Variants in IQCJ observed in about 807,000 individuals in gnomAD.
The protein encoded by IQCJ is IQ domain-containing protein J.
Under a neutral mutation model 11.0 loss-of-function variants are expected in IQCJ, and 9 were observed. The ratio of observed to expected loss-of-function variants is 0.82; its 90% CI spans 0.49 to 1.43. The LOEUF (loss-of-function observed/expected upper bound fraction) is 1.43, where lower values mean the gene tolerates loss of function less well. IQCJ is among the 40% of genes most tolerant of loss of function. The pLI is 0.00. For missense variants in IQCJ, 146 were observed against 133.2 expected, an observed-to-expected ratio of 1.10 and a Z score of -0.47; for synonymous variants, 55 against 51.3, an observed-to-expected ratio of 1.07 and a Z score of -0.31.
intron 1 of IQCJ, among the ~76,000 whole-genome samples, chr3:159,191,328 G>A (rs1013037513): frequency 2.0e-5 from 3 of 152,120 alleles, no homozygotes; most frequent in Non-Finnish European, 4.4e-5. Flanking sequence ...AGGAGGCTGG[G>A]GTTGGATCAT....
intron 1 of IQCJ, among the ~76,000 whole-genome samples, chr3:159,160,149 C>G (rs1721753634): frequency 6.6e-6 from 1 of 152,138 alleles, no homozygotes; most frequent in African/African-American, 2.4e-5. Flanking sequence ...TTCTTCTGGA[C>G]TGAGGTTCGG....
chr3:159,247,164 T>G (rs1727322732), intron 2 of IQCJ, among the ~76,000 whole-genome samples: 1 of 152,198 alleles, frequency 6.6e-6, no homozygotes, highest in South Asian at 2.1e-4. Flanking sequence ...TGGCACTATC[T>G]CAGCTCACTG....
intron 1 of IQCJ, among the ~76,000 whole-genome samples, chr3:159,231,391 A>T (rs1726238199): frequency 6.6e-6 from 1 of 152,148 alleles, no homozygotes; most frequent in Non-Finnish European, 1.5e-5. Context: ...CCCCACATCT[A>T]ATCTGTGATC....
chr3:159,077,785 C>T (rs917019879), intron 1 of IQCJ, among the ~76,000 whole-genome samples: 2 of 152,008 alleles, frequency 1.3e-5, no homozygotes, highest in Non-Finnish European at 2.9e-5. Context: ...AAAACATGGG[C>T]ATATATTGCT....
intron 1 of IQCJ, among the ~76,000 whole-genome samples, chr3:159,111,307 T>C (rs184521873): frequency 6.6e-6 from 1 of 152,188 alleles, no homozygotes; most frequent in Admixed American, 6.5e-5. Flanking sequence ...CAGTAAAAAC[T>C]CTTTTGTCTT....
intron 1 of IQCJ, among the ~76,000 whole-genome samples, chr3:159,245,004 A>G (rs1027291343): frequency 6.6e-6 from 1 of 152,194 alleles, no homozygotes; most frequent in Non-Finnish European, 1.5e-5. Context: ...ATGATTGATA[A>G]GACTGAAGAA....
At chr3:159,163,687 C>A (rs2108225241) in intron 1 of IQCJ, among the ~76,000 whole-genome samples, 1 of 152,270 alleles carries the variant, frequency 6.6e-6, no homozygotes. Flanking sequence ...TATTATCTCA[C>A]TTGATCCTTG....
At chr3:159,072,179 A>G (rs986598664) in intron 1 of IQCJ, among the ~76,000 whole-genome samples, 3 of 152,074 alleles carry the variant, frequency 2.0e-5, no homozygotes, top group Admixed American at 1.3e-4. Flanking sequence ...ATTGCATTGG[A>G]TTTTTTGTTT....
chr3:159,264,831 G>A (rs181648902), downstream of IQCJ, among the ~76,000 whole-genome samples: 3 of 151,964 alleles, frequency 2.0e-5, no homozygotes, highest in African/African-American at 7.2e-5. Flanking sequence ...AGAATGAACG[G>A]CTTGAAACCC....
At position 159,109,556 on chromosome 3, in the gene IQCJ, A is replaced by C. The variant is rs966897797; in HGVS notation, c.9+40115A>C. ...AAAAAAAAAAAAAAAACCAGTTGTC[A>C]TTTTGTTTTGCTTTGCCAATTAAAT... On this transcript the variant is annotated intron_variant, in intron 1 of 3. Coordinates refer to ENST00000397832, the MANE Select transcript of IQCJ (RefSeq NM_001042706.3). 2.0e-5 allele frequency among the ~76,000 whole-genome samples: 3 copies of C among 146,600 alleles called. No individual in the cohort carries two copies. The East Asian group carries it at 6.0e-4, about 29-fold the overall frequency.
chr3:159,161,405 A>T (rs887681392), intron 1 of IQCJ, among the ~76,000 whole-genome samples: 2 of 151,962 alleles, frequency 1.3e-5, no homozygotes, highest in African/African-American at 4.8e-5. Flanking sequence ...AATTTGTTTG[A>T]GTTCATTGTA....
At position 159,213,172 on chromosome 3, in the gene IQCJ, A is replaced by G. The variant is rs112644956; in HGVS notation, c.10-32671A>G. Among the ~76,000 whole-genome samples the G allele has an allele frequency of 3.1e-3, 474 of 152,322 alleles. 1 individual carries two copies. Among genetic ancestry groups the G allele is most frequent in the African/African-American group, 0.011 (455 of 41,572 alleles). ...CAGGTAAGAATGCCATATGTGTCGC[A>G]GCCCATAATTTGTGGACAGCATCAA... is the stretch of plus-strand genomic sequence containing the variant. On this transcript the variant is annotated intron_variant, in intron 1 of 3. Coordinates refer to ENST00000397832, the MANE Select transcript of IQCJ (RefSeq NM_001042706.3).
At chr3:159,087,033 A>G (rs1258763269) in intron 1 of IQCJ, among the ~76,000 whole-genome samples, 4 of 152,218 alleles carry the variant, frequency 2.6e-5, no homozygotes, top group African/African-American at 9.7e-5. Context: ...TTGCCCATTC[A>G]GTATGATATT....
At position 159,249,764 on chromosome 3, in the gene IQCJ, G is replaced by T. The variant is rs61795191; in HGVS notation, c.75-2963G>T. ...GATAGTGGTGTCAGAACAGTTGATT[G>T]GTTATTCCCCCTTGGAACATTACAT... On this transcript the variant is annotated intron_variant, in intron 2 of 3. Coordinates refer to ENST00000397832, the MANE Select transcript of IQCJ (RefSeq NM_001042706.3). Among the ~76,000 whole-genome samples, 1,477 of 152,318 alleles carry T rather than the reference G, an allele frequency of 9.7e-3. 15 individuals carry two copies. The highest frequency in any genetic ancestry group is 0.014 in the African/African-American group (580 of 41,566).
chr3:159,092,699 A>AAC (rs57083405), intron 1 of IQCJ, among the ~76,000 whole-genome samples: 41,078 of 141,550 alleles, frequency 0.29, 6,565 homozygotes, highest in Non-Finnish European at 0.38. Context: ...CTCCATCACA[A>AAC]ACACACACAC....
intron 1 of IQCJ, among the ~76,000 whole-genome samples, chr3:159,161,890 A>C (rs1270632415): frequency 6.6e-6 from 1 of 151,598 alleles, no homozygotes; most frequent in Non-Finnish European, 1.5e-5. Flanking sequence ...ATTGATCTAT[A>C]TCTCTGTTTT....
Position 159,089,983 on chromosome 3 carries a change from G to A in IQCJ, c.9+20542G>A, listed in dbSNP as rs571318861. Among the ~76,000 whole-genome samples the A allele has an allele frequency of 1.3e-4, 20 of 151,956 alleles. 1 individual carries two copies. Among genetic ancestry groups the A allele is most frequent in the African/African-American group, 4.8e-4 (20 of 41,244 alleles). ...GTTGAGGAACTGCATTCCTTTGGAG[G>A]AGGAGAGGTGCTCTGCTTTTTAGAG... is the stretch of plus-strand genomic sequence containing the variant. On this transcript the variant is annotated intron_variant, in intron 1 of 3. Transcript: ENST00000397832.
chr3:159,226,024 A>G (rs1725836075), intron 1 of IQCJ, among the ~76,000 whole-genome samples: 1 of 152,170 alleles, frequency 6.6e-6, no homozygotes, highest in African/African-American at 2.4e-5. Flanking sequence ...TGCACAGGGC[A>G]AGGTATGTGG....
intron 1 of IQCJ, among the ~76,000 whole-genome samples, chr3:159,218,411 A>G (rs1725353662): frequency 6.6e-6 from 1 of 152,032 alleles, no homozygotes; most frequent in Non-Finnish European, 1.5e-5. Context: ...AAACATACAG[A>G]TAGATGCAAG....
Sources: allele counts gnomAD v4.1 joint callset (sites outside exome capture counted in the v4.1 genomes callset), GRCh38; gene constraint gnomAD v4.1.1; transcripts MANE v1.5; gene names NCBI Gene and HGNC (gene_info 2026-07-23, HGNC 2026-07-21).